CRACDL: variants seen among roughly 807,000 people sequenced by gnomAD.
CRACDL encodes the protein CRACD like.
CRACDL carries 26 observed loss-of-function variants against 70.6 expected under a neutral mutation model. The observed-to-expected ratio is 0.37, with a 90% CI of 0.27 to 0.51. CRACDL has a LOEUF of 0.51. Ranked by LOEUF, CRACDL falls within the 20% of genes least tolerant of loss-of-function variation. The probability of loss-of-function intolerance (pLI) is 0.94; values close to 1 mark genes in which losing one functional copy is unlikely to be tolerated. For missense variants in CRACDL, 1,283 were observed against 1,376.9 expected (o/e 0.93, Z 1.08); for synonymous variants, 618 against 615.2 (o/e 1.00, Z -0.07).
chr2:98,801,356 G>A (rs1704067484), intron 7 of CRACDL, among the ~76,000 whole-genome samples: 1 of 152,236 alleles, frequency 6.6e-6, no homozygotes, highest in Non-Finnish European at 1.5e-5. Context: ...TCCACCTGGA[G>A]CCTCTCAGCA....
intron 1 of CRACDL, among the ~76,000 whole-genome samples, chr2:98,930,837 C>T (rs1465393128): frequency 2.0e-5 from 3 of 152,148 alleles, no homozygotes; most frequent in Admixed American, 2.0e-4. Context: ...ATAACAAATG[C>T]CCTTTAACCG....
rs186269747 is a variant in CRACDL, at chr2:98,823,049, C to G, written c.1224G>C (p.Glu408Asp). 4.0e-3 allele frequency: 6,149 copies of G among 1,554,530 alleles called. 233 individuals are homozygous for G. In the African/African-American group the frequency reaches 0.078, roughly 20 times the overall value. The stretch of plus-strand genomic sequence containing the variant: ...CAGTCTCGGGGGGAGTCGTGTCCCC[C>G]TCAGGGATGGCGGTGGGAAACGGGC... ...VASPFPTAIP[E>D]GDTTPPETDP... is the part of the protein sequence containing the mutation. The change falls in exon 7 of 10, where the codon GAG becomes GAC. Residue 408 changes from glutamate (E) to aspartate (D), a missense_variant. Coordinates refer to ENST00000397899, the MANE Select transcript of CRACDL (RefSeq NM_207362.3). This position sits in a 1 kb window ranked among gnomAD's most constrained non-coding sequence, Gnocchi z 4.0.
chr2:98,933,429 T>A (rs1248841193), intron 1 of CRACDL, among the ~76,000 whole-genome samples: 1 of 152,072 alleles, frequency 6.6e-6, no homozygotes, highest in Non-Finnish European at 1.5e-5. Flanking sequence ...ACTGAAATAA[T>A]ACCATTGAAT....
rs201744586 is a variant in CRACDL, at chr2:98,893,305, G to A, written c.-11+42633C>T. Among the ~76,000 whole-genome samples, 18 of 94,096 alleles carry A rather than the reference G, an allele frequency of 1.9e-4. 1 individual carries two copies. The East Asian group carries it at 4.3e-3, about 22-fold the overall frequency. 61.7% of individuals were successfully genotyped at this position (94,096 alleles called of 152,430 possible). A position where few individuals can be genotyped will look rare whatever the true frequency, so the allele number is the denominator to read the frequency against. ...AGAAGGAACCCTATTTTTTTTTTTA[G>A]ACGAGTCTCGCTCTGTTGCCCAGGC... On this transcript the variant is annotated intron_variant, in intron 1 of 9. Coordinates refer to ENST00000397899, the MANE Select transcript of CRACDL (RefSeq NM_207362.3).
At chr2:98,864,820 T>A (rs1707071778) in intron 1 of CRACDL, among the ~76,000 whole-genome samples, 1 of 152,228 alleles carries the variant, frequency 6.6e-6, no homozygotes, top group African/African-American at 2.4e-5. Flanking sequence ...GTGCTGGGAT[T>A]ACAGGCATGA....
At chr2:98,845,204 T>TC (rs1366084603) in intron 2 of CRACDL, among the ~76,000 whole-genome samples, 1 of 151,296 alleles carries the variant, frequency 6.6e-6, no homozygotes, top group Admixed American at 6.6e-5. Context: ...CTTCTTCTTT[T>TC]TTTTTTTTTT....
intron 1 of CRACDL, among the ~76,000 whole-genome samples, chr2:98,923,606 T>A (rs996871291): frequency 6.6e-6 from 1 of 152,216 alleles, no homozygotes; most frequent in African/African-American, 2.4e-5. Flanking sequence ...ACATGCACTA[T>A]CTAGAAATGA....
chr2:98,806,007 G>A (rs1704275984), intron 7 of CRACDL, among the ~76,000 whole-genome samples: 1 of 152,250 alleles, frequency 6.6e-6, no homozygotes, highest in Admixed American at 6.5e-5. Context: ...GGCCCAGAGG[G>A]GCCGTCTTCC....
chr2:98,877,936 T>C (rs1707530301), intron 1 of CRACDL, among the ~76,000 whole-genome samples: 1 of 145,548 alleles, frequency 6.9e-6, no homozygotes, highest in African/African-American at 2.5e-5. Context: ...TATAATGTTG[T>C]ACCATTTTTA....
intron 2 of CRACDL, among the ~76,000 whole-genome samples, chr2:98,844,022 T>C (rs1706143013): frequency 6.6e-6 from 1 of 152,154 alleles, no homozygotes; most frequent in Non-Finnish European, 1.5e-5. Context: ...TTTTCCTAAA[T>C]GAAAAAAATC....
At chr2:98,932,972 C>T (rs891765887) in intron 1 of CRACDL, among the ~76,000 whole-genome samples, 1 of 152,174 alleles carries the variant, frequency 6.6e-6, no homozygotes, top group Non-Finnish European at 1.5e-5. Flanking sequence ...AGGGGTGGGG[C>T]TGAGGGGGCG....
At chr2:98,861,368 A>G (rs1332503690) in intron 1 of CRACDL, among the ~76,000 whole-genome samples, 1 of 152,108 alleles carries the variant, frequency 6.6e-6, no homozygotes, top group East Asian at 1.9e-4. Context: ...CAACAACAAA[A>G]CCACAGTGAG....
At chr2:98,854,999 A>G (rs955298769) in intron 1 of CRACDL, among the ~76,000 whole-genome samples, 5 of 152,214 alleles carry the variant, frequency 3.3e-5, no homozygotes, top group Admixed American at 6.5e-5. Context: ...TATTAAAAAG[A>G]ATGTTCTTGG....
intron 6 of CRACDL, among the ~76,000 whole-genome samples, chr2:98,825,167 C>T (rs1244839886): frequency 6.6e-6 from 1 of 152,154 alleles, no homozygotes; most frequent in Non-Finnish European, 1.5e-5. Flanking sequence ...GTGCTATGGA[C>T]ACTGAAGGAC....
intron 1 of CRACDL, among the ~76,000 whole-genome samples, chr2:98,892,107 C>T (rs1455591073): frequency 6.6e-6 from 1 of 152,110 alleles, no homozygotes; most frequent in Non-Finnish European, 1.5e-5. Context: ...AATCATATAC[C>T]TTTCTTGGAC....
intron 7 of CRACDL, among the ~76,000 whole-genome samples, chr2:98,816,152 C>T (rs1704776394): frequency 6.6e-6 from 1 of 152,128 alleles, no homozygotes; most frequent in Non-Finnish European, 1.5e-5. Flanking sequence ...CTTCACTGCT[C>T]ACACTTGCTA....
chr2:98,873,135 C>T (rs540041642), intron 1 of CRACDL, among the ~76,000 whole-genome samples: 6 of 152,320 alleles, frequency 3.9e-5, no homozygotes, highest in South Asian at 4.1e-4. Flanking sequence ...GCAGATCCTA[C>T]GTGTAAGTTT....
At chr2:98,896,644 T>A (rs888398756) in intron 1 of CRACDL, among the ~76,000 whole-genome samples, 6 of 152,168 alleles carry the variant, frequency 3.9e-5, no homozygotes, top group African/African-American at 1.4e-4. Context: ...GGGATGTGTT[T>A]AAACCTCAGC....
chr2:98,893,162 AT>A (rs1483426041), intron 1 of CRACDL, among the ~76,000 whole-genome samples: 1 of 152,130 alleles, frequency 6.6e-6, no homozygotes, highest in Non-Finnish European at 1.5e-5. Context: ...CTCCAAGGTA[AT>A]CCTCTCCACC....
Sources: allele counts gnomAD v4.1 joint callset (sites outside exome capture counted in the v4.1 genomes callset), GRCh38; gene constraint gnomAD v4.1.1; non-coding constraint Gnocchi (gnomAD v3.1); transcripts MANE v1.5; gene names NCBI Gene and HGNC (gene_info 2026-07-23, HGNC 2026-07-21).